TNR: variants seen among roughly 807,000 people sequenced by gnomAD.
The protein encoded by TNR is tenascin R.
Under a neutral mutation model 150.4 loss-of-function variants are expected in TNR, and 45 were observed. The observed-to-expected ratio is 0.30, with a 90% CI of 0.24 to 0.38. TNR has a LOEUF of 0.38. Among genes scored for constraint, TNR ranks in the 10% least tolerant of loss-of-function variants. TNR has a pLI of 1.00. For synonymous variants in TNR, 687 were observed against 678.4 expected (o/e 1.01, Z -0.20); for missense variants, 1,544 against 1,759.1 (o/e 0.88, Z 2.19).
At chr1:175,488,616 C>T (rs151196537) in intron 2 of TNR, among the ~76,000 whole-genome samples, 157 of 152,324 alleles carry the variant, frequency 1.0e-3, no homozygotes, top group African/African-American at 3.6e-3. Context: ...TAAATGCTTC[C>T]AGGCACTGCT....
At chr1:175,478,374 C>T (rs972118573) in intron 2 of TNR, among the ~76,000 whole-genome samples, 1 of 152,172 alleles carries the variant, frequency 6.6e-6, no homozygotes, top group African/African-American at 2.4e-5. Context: ...AGAGTGCAAT[C>T]GAGGGCAGAA....
At chr1:175,499,339 T>C (rs576627386) in intron 2 of TNR, among the ~76,000 whole-genome samples, 1 of 152,270 alleles carries the variant, frequency 6.6e-6, no homozygotes, top group African/African-American at 2.4e-5. Context: ...CCAGCAGAAC[T>C]CTAAGGGCTC....
intron 1 of TNR, among the ~76,000 whole-genome samples, chr1:175,712,241 T>G (rs1362898915): frequency 6.6e-6 from 1 of 152,162 alleles, no homozygotes; most frequent in African/African-American, 2.4e-5. Flanking sequence ...CTTGCGTATC[T>G]TGCCCAAGCT....
intron 2 of TNR, among the ~76,000 whole-genome samples, chr1:175,500,786 G>A (rs543427056): frequency 1.1e-4 from 16 of 152,332 alleles, no homozygotes; most frequent in African/African-American, 3.8e-4. Context: ...GGACAGAAGA[G>A]GTCTGGAGCA....
At position 175,323,184 on chromosome 1, in the gene TNR, G is replaced by T; in HGVS notation, c.*173C>A. 1 of 788,262 alleles carries T rather than the reference G, an allele frequency of 1.3e-6. No individual in the cohort carries two copies. Among genetic ancestry groups the T allele is most frequent in the Non-Finnish European group, 1.9e-6 (1 of 522,138 alleles). 48.8% of individuals were successfully genotyped at this position (788,262 alleles called of 1,614,324 possible). A position where few individuals can be genotyped will look rare whatever the true frequency, so the allele number is the denominator to read the frequency against. ...TGGAGACTGAGGGTCAGGCTCCAGGGCAGCAGAAACCAAGAGCAGATGTTA... is the reference window on the plus strand; with the variant it reads ...TGGAGACTGAGGGTCAGGCTCCAGGTCAGCAGAAACCAAGAGCAGATGTTA... On this transcript the variant is annotated 3_prime_UTR_variant, in exon 23 of 23. Transcript: ENST00000367674.
intron 18 of TNR, among the ~76,000 whole-genome samples, chr1:175,347,671 G>A (rs12070298): frequency 0.053 from 7,993 of 151,842 alleles, 687 homozygotes; most frequent in African/African-American, 0.18. Context: ...CAAGTGATCC[G>A]CCTGCTTCCA....
At chr1:175,349,701 G>T (rs1029554338) in intron 18 of TNR, among the ~76,000 whole-genome samples, 1 of 152,158 alleles carries the variant, frequency 6.6e-6, no homozygotes, top group Admixed American at 6.5e-5. Context: ...GATTGACATG[G>T]GTGGTATGTG....
chr1:175,548,665 TA>T (rs3032580), intron 1 of TNR, among the ~76,000 whole-genome samples: 40 of 146,350 alleles, frequency 2.7e-4, no homozygotes, highest in Admixed American at 4.7e-4. Flanking sequence ...TAAGCAAAAT[TA>T]AAAAAAAAAA....
intron 1 of TNR, among the ~76,000 whole-genome samples, chr1:175,663,322 G>A (rs984898683): frequency 6.6e-6 from 1 of 152,208 alleles, no homozygotes; most frequent in Non-Finnish European, 1.5e-5. Flanking sequence ...TTCCCAGGAG[G>A]AGTATGAGGG....
rs551589845 is a variant in TNR, at chr1:175,738,979, C to A, written c.-165+4247G>T. On this transcript the variant is annotated intron_variant, in intron 1 of 22. Coordinates refer to ENST00000367674, the MANE Select transcript of TNR (RefSeq NM_003285.3). ...TCTACTGGAATTGGCTTGTGGGCAT[C>A]GTTCAACTTTGTATTTCTGTATTAG... is the stretch of plus-strand genomic sequence containing the variant. 2.0e-5 allele frequency among the ~76,000 whole-genome samples: 3 copies of A among 152,288 alleles called. No individual in the cohort carries two copies. In the East Asian group the frequency reaches 5.8e-4, roughly 29 times the overall value.
chr1:175,464,144 AGCC>A (rs1423022779), intron 2 of TNR, among the ~76,000 whole-genome samples: 1 of 152,268 alleles, frequency 6.6e-6, no homozygotes, highest in Non-Finnish European at 1.5e-5. Context: ...CTTAATAGAA[AGCC>A]TTGAACTGAA....
intron 1 of TNR, among the ~76,000 whole-genome samples, chr1:175,623,661 C>T (rs572219349): frequency 2.6e-4 from 39 of 152,366 alleles, no homozygotes; most frequent in African/African-American, 9.4e-4. Context: ...TATCCACGTG[C>T]CACTCACACC....
chr1:175,371,923 C>T (rs1399345325), intron 9 of TNR, among the ~76,000 whole-genome samples: 2 of 152,132 alleles, frequency 1.3e-5, no homozygotes, highest in Non-Finnish European at 2.9e-5. Flanking sequence ...AGTTTGGATG[C>T]TTGTCCCCTC....
intron 18 of TNR, among the ~76,000 whole-genome samples, chr1:175,345,000 C>T (rs928657291): frequency 6.6e-5 from 10 of 151,668 alleles, no homozygotes; most frequent in South Asian, 2.1e-4. Flanking sequence ...CCCAGCTATC[C>T]GGGAGGCTGA....
chr1:175,660,611 C>T (rs974284226), intron 1 of TNR, among the ~76,000 whole-genome samples: 3 of 152,200 alleles, frequency 2.0e-5, no homozygotes, highest in Non-Finnish European at 4.4e-5. Context: ...AATAAGTTTC[C>T]GTCATTCAAT....
chr1:175,593,468 C>T (rs553272757), intron 1 of TNR, among the ~76,000 whole-genome samples: 126 of 152,220 alleles, frequency 8.3e-4, no homozygotes, highest in African/African-American at 2.8e-3. Flanking sequence ...ATGTAGGGCC[C>T]TCTTAATATC....
intron 1 of TNR, among the ~76,000 whole-genome samples, chr1:175,575,323 A>G (rs1465679062): frequency 6.6e-6 from 1 of 152,170 alleles, no homozygotes; most frequent in Non-Finnish European, 1.5e-5. Flanking sequence ...ATTTGGGAGC[A>G]TTTTTTACTA....
chr1:175,453,278 C>A (rs1039626554), intron 2 of TNR, among the ~76,000 whole-genome samples: 1 of 151,896 alleles, frequency 6.6e-6, no homozygotes, highest in East Asian at 1.9e-4. Flanking sequence ...TGATTGGTGA[C>A]GTGTTTTGGA....
chr1:175,518,463 A>G (rs1659502084), intron 2 of TNR, among the ~76,000 whole-genome samples: 1 of 152,094 alleles, frequency 6.6e-6, no homozygotes, highest in Non-Finnish European at 1.5e-5. Context: ...CCTGATTTTC[A>G]TGGGGTCATC....
Sources: gnomAD v4.1 joint callset for allele counts (sites outside exome capture counted in the v4.1 genomes callset) on GRCh38, gnomAD v4.1.1 for gene constraint, MANE v1.5 for transcripts, NCBI Gene and HGNC (gene_info 2026-07-23, HGNC 2026-07-21) for gene names.